Variants in TECRL observed in about 807,000 individuals in gnomAD.
TECRL encodes trans-2,3-enoyl-CoA reductase-like.
In TECRL, 63 loss-of-function variants were observed where a neutral mutation model predicts 52.8. The ratio of observed to expected loss-of-function variants is 1.19; its 90% CI spans 0.97 to 1.47. TECRL has a LOEUF of 1.47. TECRL is among the 40% of genes most tolerant of loss of function. The pLI is 0.00. For synonymous variants in TECRL, 164 were observed against 141.9 expected, an observed-to-expected ratio of 1.16 and a Z score of -1.10; for missense variants, 482 against 429.6, an observed-to-expected ratio of 1.12 and a Z score of -1.08.
intron 2 of TECRL, among the ~76,000 whole-genome samples, chr4:64,373,657 T>G (rs1722137223): frequency 6.6e-6 from 1 of 151,668 alleles, no homozygotes; most frequent in African/African-American, 2.4e-5. Context: ...AAATAAGACT[T>G]TGTTATTATT....
intron 2 of TECRL, among the ~76,000 whole-genome samples, chr4:64,369,456 G>A (rs978400231): frequency 5.9e-5 from 9 of 151,928 alleles, no homozygotes; most frequent in South Asian, 2.1e-4. Context: ...TTTCTAAAAT[G>A]AACTTTGTAG....
chr4:64,342,889 C>A (rs1254590438), intron 2 of TECRL, among the ~76,000 whole-genome samples: 2 of 151,962 alleles, frequency 1.3e-5, no homozygotes, highest in African/African-American at 4.8e-5. Context: ...ATTCCTGAGA[C>A]ACGTTTTCTG....
intron 2 of TECRL, among the ~76,000 whole-genome samples, chr4:64,365,410 G>A (rs932032082): frequency 6.6e-6 from 1 of 151,946 alleles, no homozygotes; most frequent in Non-Finnish European, 1.5e-5. Context: ...AAGGAAAAAA[G>A]GCATCTAAAT....
intron 1 of TECRL, among the ~76,000 whole-genome samples, chr4:64,408,076 T>C (rs889771076): frequency 1.3e-5 from 2 of 151,724 alleles, no homozygotes; most frequent in Non-Finnish European, 3.0e-5. Flanking sequence ...TTAATCTTTC[T>C]TTTCCATCTA....
intron 8 of TECRL, among the ~76,000 whole-genome samples, chr4:64,295,007 TTATTA>T (rs1723599448): frequency 6.6e-6 from 1 of 151,830 alleles, no homozygotes; most frequent in Non-Finnish European, 1.5e-5. Flanking sequence ...ACATTTTATC[TTATTA>T]TAATTTATAT....
intron 2 of TECRL, among the ~76,000 whole-genome samples, chr4:64,358,510 C>G (rs1262685733): frequency 6.6e-6 from 1 of 151,436 alleles, no homozygotes; most frequent in African/African-American, 2.4e-5. Context: ...TATTGGAGAA[C>G]AATAGGTAAA....
intron 1 of TECRL, among the ~76,000 whole-genome samples, chr4:64,404,626 G>A (rs1724587855): frequency 6.6e-6 from 1 of 151,946 alleles, no homozygotes; most frequent in Admixed American, 6.6e-5. Flanking sequence ...ATTCCCATCT[G>A]CTTTATGAAA....
At chr4:64,352,121 G>A (rs923555533) in intron 2 of TECRL, among the ~76,000 whole-genome samples, 2 of 152,108 alleles carry the variant, frequency 1.3e-5, no homozygotes, top group African/African-American at 4.8e-5. Flanking sequence ...GGTGTTAGAA[G>A]CTAGCTGTTT....
chr4:64,299,677 A>G (rs1036314934), intron 8 of TECRL, among the ~76,000 whole-genome samples: 6 of 150,952 alleles, frequency 4.0e-5, no homozygotes, highest in African/African-American at 1.5e-4. Flanking sequence ...TTTGCTCTTT[A>G]TAGGTTGGTA....
chr4:64,309,351 A>AT (rs965849791), intron 6 of TECRL, among the ~76,000 whole-genome samples: 1 of 152,038 alleles, frequency 6.6e-6, no homozygotes, highest in Non-Finnish European at 1.5e-5. Flanking sequence ...TATTTTACAT[A>AT]TTTTTTCATG....
chr4:64,304,129 T>C (rs1724185806), intron 7 of TECRL, among the ~76,000 whole-genome samples: 1 of 151,944 alleles, frequency 6.6e-6, no homozygotes, highest in Non-Finnish European at 1.5e-5. Flanking sequence ...GTAACCAATA[T>C]GGCAATGAAG....
At chr4:64,288,215 A>C (rs556095676) in intron 9 of TECRL, among the ~76,000 whole-genome samples, 2 of 152,214 alleles carry the variant, frequency 1.3e-5, no homozygotes, top group South Asian at 4.1e-4. Flanking sequence ...TCACAACATC[A>C]ACAAGACATT....
At chr4:64,295,672 T>A (rs1056150914) in intron 8 of TECRL, among the ~76,000 whole-genome samples, 1 of 151,848 alleles carries the variant, frequency 6.6e-6, no homozygotes, top group Non-Finnish European at 1.5e-5. Context: ...GAGTTCTTTT[T>A]ACATTAGATT....
At chr4:64,354,027 T>C (rs1250546053) in intron 2 of TECRL, among the ~76,000 whole-genome samples, 1 of 151,534 alleles carries the variant, frequency 6.6e-6, no homozygotes, top group East Asian at 1.9e-4. Context: ...CCACGTCAAA[T>C]GCAGTTGAAA....
chr4:64,316,827 CA>C (rs1380776289), intron 4 of TECRL, among the ~76,000 whole-genome samples: 12 of 152,218 alleles, frequency 7.9e-5, no homozygotes, highest in African/African-American at 2.4e-4. Context: ...TTTCTATTAT[CA>C]AATAGTATTT....
chr4:64,324,593 T>A (rs1215093676), intron 3 of TECRL, among the ~76,000 whole-genome samples: 1 of 152,038 alleles, frequency 6.6e-6, no homozygotes, highest in Non-Finnish European at 1.5e-5. Context: ...AAACAAAAAA[T>A]ATACAATTAT....
chr4:64,332,220 T>G (rs1229784004), intron 2 of TECRL, among the ~76,000 whole-genome samples: 1 of 152,012 alleles, frequency 6.6e-6, no homozygotes, highest in Non-Finnish European at 1.5e-5. Context: ...GGGACAAAAA[T>G]CAAACTTTAT....
Position 64,301,897 on chromosome 4 carries a change from C to T in TECRL, c.731-1880G>A, listed in dbSNP as rs142669925. Among the ~76,000 whole-genome samples the T allele has an allele frequency of 1.9e-3, 293 of 150,790 alleles. 3 individuals carry two copies. In the East Asian group the frequency reaches 0.047, roughly 24 times the overall value. ...CAAAAAAACAAAGTTATAGGTAGTGCGAAGAGAAAAAACTTTCTATTTACA... is the reference window on the plus strand; with the variant it reads ...CAAAAAAACAAAGTTATAGGTAGTGTGAAGAGAAAAAACTTTCTATTTACA... On this transcript the variant is annotated intron_variant, in intron 7 of 11. Coordinates refer to ENST00000381210, the MANE Select transcript of TECRL (RefSeq NM_001010874.5).
chr4:64,329,026 T>C (rs568539962), intron 2 of TECRL, among the ~76,000 whole-genome samples: 2 of 152,116 alleles, frequency 1.3e-5, no homozygotes, highest in Middle Eastern at 3.4e-3. Flanking sequence ...ATATGTATCA[T>C]TGACTTTTAA....
Sources: gnomAD v4.1 joint callset for allele counts (sites outside exome capture counted in the v4.1 genomes callset) on GRCh38, gnomAD v4.1.1 for gene constraint, MANE v1.5 for transcripts, NCBI Gene and HGNC (gene_info 2026-07-23, HGNC 2026-07-21) for gene names.